CAPG: variants seen among roughly 807,000 people sequenced by gnomAD.
CAPG encodes the protein macrophage-capping protein.
CAPG carries 32 observed loss-of-function variants against 44.6 expected under a neutral mutation model. The ratio of observed to expected loss-of-function variants is 0.72; its 90% CI spans 0.54 to 0.96. The LOEUF (loss-of-function observed/expected upper bound fraction) is 0.96, where lower values mean the gene tolerates loss of function less well. Among genes scored for constraint, CAPG ranks in the 50% least tolerant of loss-of-function variants. The pLI is 0.00. For synonymous variants in CAPG, 175 were observed against 179.6 expected (o/e 0.97, Z 0.20); for missense variants, 412 against 438.3 (o/e 0.94, Z 0.54).
At chr2:85,402,000 C>G (rs1297325605) in intron 2 of CAPG, 43 bp from the exon 3 acceptor site, 1 of 1,613,130 alleles carries the variant, frequency 6.2e-7, no homozygotes, top group Admixed American at 1.7e-5. Context: ...GACCCACTTG[C>G]CCAAGCACAG....
At chr2:85,407,943 C>A (rs1186900410) in intron 1 of CAPG, among the ~76,000 whole-genome samples, 1 of 151,998 alleles carries the variant, frequency 6.6e-6, no homozygotes, top group Non-Finnish European at 1.5e-5. Flanking sequence ...AAGGGTCCAC[C>A]CTGACCTCTG....
At chr2:85,413,128 C>G (rs1395303390), upstream of CAPG, 1 of 152,252 alleles carries the variant, frequency 6.6e-6, no homozygotes, top group Non-Finnish European at 1.5e-5. Flanking sequence ...AGATTTTGGT[C>G]ACAACAGCGC....
At position 85,401,646 on chromosome 2, in the gene CAPG, G is replaced by C. The variant is rs774052021; in HGVS notation, c.234C>G (p.Ala78=). 155 of 1,613,978 alleles carry C rather than the reference G, an allele frequency of 9.6e-5. No homozygotes were observed. The highest frequency in any genetic ancestry group is 1.2e-4 in the Non-Finnish European group (144 of 1,179,986). The part of the protein sequence containing the change: ...QSSRDEQGAC[A]VLAVHLNTLL... ...GCGTGTTGAGGTGCACAGCCAGCAC[G>C]GCACAGGCCCCCTGCTCATCCCGGG... Residue 78 remains alanine (A), a synonymous_variant, in exon 4 of 10, where the codon GCC becomes GCG. Coordinates refer to ENST00000263867, the MANE Select transcript of CAPG (RefSeq NM_001747.4).
In CAPG at chr2:85,398,087, T is replaced by C; in HGVS notation, c.825A>G (p.Glu275=). The C allele has an allele frequency of 6.2e-7, 1 of 1,614,050 alleles. No individual in the cohort carries two copies. Among genetic ancestry groups the C allele is most frequent in the South Asian group, 1.1e-5 (1 of 91,078 alleles). Residue 275 remains glutamate, a synonymous_variant, in exon 8 of 10, where the codon GAA becomes GAG. Transcript: ENST00000263867. ...KVADSSPFAL[E]LLISDDCFVL... ...CAAAGCAGTCATCAGATATCAGCAG[T>C]TCAAGGGCAAATGGGCTGGAGTCAG...
chr2:85,412,983 T>C (rs974057997), upstream of CAPG, among the ~76,000 whole-genome samples: 1 of 152,244 alleles, frequency 6.6e-6, no homozygotes, highest in Non-Finnish European at 1.5e-5. Flanking sequence ...TAGTTTGCAA[T>C]GTGCCATCAG....
intron 1 of CAPG, among the ~76,000 whole-genome samples, chr2:85,403,765 T>C (rs1687015999): frequency 6.6e-6 from 1 of 151,608 alleles, no homozygotes; most frequent in Non-Finnish European, 1.5e-5. Context: ...CACGTGCCTA[T>C]AGTCCCAGCT....
chr2:85,398,210 CT>C, intron 7 of CAPG, 58 bp from the exon 8 acceptor site: 1 of 1,585,750 alleles, frequency 6.3e-7, no homozygotes, highest in Non-Finnish European at 8.6e-7. Context: ...TCACCTCAGC[CT>C]GAGGAGGGGG....
upstream of CAPG, among the ~76,000 whole-genome samples, chr2:85,414,514 C>T (rs1687507690): frequency 6.6e-6 from 1 of 151,266 alleles, no homozygotes; most frequent in Admixed American, 6.6e-5. Context: ...ACTACAGCCT[C>T]AACCTCCCAG....
rs762309199 is a variant in CAPG, at chr2:85,395,478, G to A, written c.981+60C>T. The A allele has an allele frequency of 2.8e-6, 4 of 1,410,650 alleles. No homozygotes were observed. The highest frequency in any genetic ancestry group is 4.0e-6 in the Non-Finnish European group (4 of 1,006,660). The allele number at this position is 1,410,650 out of a possible 1,614,324, so 87.4% of individuals were successfully genotyped here. A position where few individuals can be genotyped will look rare whatever the true frequency, so the allele number is the denominator to read the frequency against. On this transcript the variant is annotated intron_variant, in intron 9 of 9. Coordinates refer to ENST00000263867, the MANE Select transcript of CAPG (RefSeq NM_001747.4). This position sits in a 1 kb window ranked among gnomAD's most constrained non-coding sequence, Gnocchi z 4.3. Reference sequence around the variant, plus strand: ...TCCTGCCCTTCCTGGCCAATTTGAGGGGTCAGGGGCCACAGGAAGAGCCCT... The same window carrying A: ...TCCTGCCCTTCCTGGCCAATTTGAGAGGTCAGGGGCCACAGGAAGAGCCCT...
intron 8 of CAPG, among the ~76,000 whole-genome samples, chr2:85,397,704 A>AG (rs1686667080): frequency 2.0e-5 from 3 of 149,126 alleles, no homozygotes; most frequent in African/African-American, 7.4e-5. Flanking sequence ...TTCCTTCTCA[A>AG]AAAGAAAGAA....
intron 1 of CAPG, 94 bp from the exon 2 acceptor site, chr2:85,402,252 T>C: frequency 1.1e-6 from 1 of 917,908 alleles, no homozygotes; most frequent in Non-Finnish European, 1.7e-6. Context: ...GCCAAGTACT[T>C]TCATATTCAT....
At chr2:85,401,704 C>G (rs1315838044) in intron 3 of CAPG, 21 bp from the exon 4 acceptor site, 1 of 1,613,964 alleles carries the variant, frequency 6.2e-7, no homozygotes, top group South Asian at 1.1e-5. Context: ...TGGGAGAGGG[C>G]AGGGCAAGGC....
upstream of CAPG, chr2:85,414,007 C>G (rs1431621795): frequency 1.3e-5 from 2 of 152,374 alleles, no homozygotes; most frequent in Non-Finnish European, 2.9e-5. Flanking sequence ...GCTCCGAGGC[C>G]CTGGGCGCTG....
At chr2:85,392,903 C>A (rs1409972050), downstream of CAPG, among the ~76,000 whole-genome samples, 1 of 152,062 alleles carries the variant, frequency 6.6e-6, no homozygotes, top group African/African-American at 2.4e-5. Flanking sequence ...GTTTAGTGCC[C>A]CCCAGATGAC....
In CAPG at chr2:85,398,080, T is replaced by C; in HGVS notation, c.832A>G (p.Ile278Val). The change falls in exon 8 of 10, where the codon ATA (isoleucine) becomes GTA (valine). Residue 278 changes from isoleucine to valine, a missense_variant. Ile to Val is a conservative substitution (Grantham distance 29). Coordinates refer to ENST00000263867, the MANE Select transcript of CAPG (RefSeq NM_001747.4). ...TCCAGCACAAAGCAGTCATCAGATATCAGCAGTTCAAGGGCAAATGGGCTG... is the reference window on the plus strand; with the variant it reads ...TCCAGCACAAAGCAGTCATCAGATACCAGCAGTTCAAGGGCAAATGGGCTG... ...DSSPFALELLISDDCFVLDNG... is the reference protein window; with the variant it reads ...DSSPFALELLVSDDCFVLDNG... The C allele has an allele frequency of 6.2e-7, 1 of 1,614,062 alleles. No homozygotes were observed. Among genetic ancestry groups the C allele is most frequent in the Non-Finnish European group, 8.5e-7 (1 of 1,179,966 alleles).
downstream of CAPG, among the ~76,000 whole-genome samples, chr2:85,394,370 C>G (rs1686488314): frequency 6.6e-6 from 1 of 152,240 alleles, no homozygotes; most frequent in Admixed American, 6.5e-5. Context: ...AGGCTTGGTA[C>G]AATTGTGAAA....
intron 1 of CAPG, 61 bp from the exon 2 acceptor site, chr2:85,402,219 G>A (rs1686937623): frequency 7.2e-7 from 1 of 1,387,660 alleles, no homozygotes; most frequent in African/African-American, 1.4e-5. Context: ...TCTCACGTGG[G>A]GCTGGAGAGG....
At chr2:85,410,508 G>C (rs547621822), upstream of CAPG, 1 of 152,568 alleles carries the variant, frequency 6.6e-6, no homozygotes, top group East Asian at 1.9e-4. Flanking sequence ...CAGGCCTGAA[G>C]CAGAAGAGCA....
intron 5 of CAPG, among the ~76,000 whole-genome samples, chr2:85,399,969 G>A (rs559159144): frequency 4.1e-4 from 62 of 152,138 alleles, no homozygotes; most frequent in African/African-American, 1.4e-3. Context: ...TCGAACTCCC[G>A]ACCTCAGGTG....
Sources: gnomAD v4.1 joint callset for allele counts (sites outside exome capture counted in the v4.1 genomes callset) on GRCh38, gnomAD v4.1.1 for gene constraint, Gnocchi (gnomAD v3.1) non-coding constraint, MANE v1.5 for transcripts, NCBI Gene and HGNC (gene_info 2026-07-23, HGNC 2026-07-21) for gene names.